Variants in PEAK1 observed in about 807,000 individuals in gnomAD.
The protein encoded by PEAK1 is pseudopodium enriched atypical kinase 1.
PEAK1 carries 54 observed loss-of-function variants against 124.7 expected under a neutral mutation model. The ratio of observed to expected loss-of-function variants is 0.43; its 90% CI spans 0.35 to 0.54. PEAK1 has a LOEUF of 0.54. PEAK1 is among the 20% of genes least tolerant of loss of function. PEAK1 has a pLI of 0.01. For missense variants in PEAK1, 2,046 were observed against 2,134.5 expected (o/e 0.96, Z 0.82); for synonymous variants, 719 against 760.0 (o/e 0.95, Z 0.89).
intron 1 of PEAK1, among the ~76,000 whole-genome samples, chr15:77,414,788 C>T (rs2072738392): frequency 1.3e-5 from 2 of 152,160 alleles, no homozygotes; most frequent in African/African-American, 2.4e-5. Context: ...GTATTATTTG[C>T]TCTTCATTTG....
chr15:77,234,185 T>G (rs2060019494), intron 6 of PEAK1, among the ~76,000 whole-genome samples: 2 of 152,240 alleles, frequency 1.3e-5, no homozygotes, highest in South Asian at 4.1e-4. Context: ...CATTTATTAC[T>G]GTAAACCTTA....
chr15:77,295,283 A>G lies in PEAK1; in HGVS notation c.-602-8779T>C, dbSNP rs1487474435. On this transcript the variant is annotated intron_variant, in intron 2 of 9. Transcript: ENST00000682557. ...GTAGGTCTTCATTTATAAGAGTGTT[A>G]TATTAAAATAAGCATGGTATATACA... is the stretch of plus-strand genomic sequence containing the variant. Among the ~76,000 whole-genome samples, 4 of 151,908 alleles carry G rather than the reference A, an allele frequency of 2.6e-5. No homozygotes were observed. In the East Asian group the frequency reaches 7.7e-4, roughly 29 times the overall value.
chr15:77,347,203 C>T lies in PEAK1; in HGVS notation c.-603+17960G>A. 3.1e-6 allele frequency: 3 copies of T among 979,408 alleles called. No individual in the cohort carries two copies. In the South Asian group the frequency reaches 1.4e-4, roughly 46 times the overall value. 60.7% of individuals were successfully genotyped at this position (979,408 alleles called of 1,614,324 possible). A position where few individuals can be genotyped will look rare whatever the true frequency, so the allele number is the denominator to read the frequency against. ...CGTTAACAACGGCAGAAGATAAGAT[C>T]TCTTCAAAGTGCCACGGCCATTTCA... is the stretch of plus-strand genomic sequence containing the variant. On this transcript the variant is annotated intron_variant, in intron 2 of 9. Transcript: ENST00000682557.
rs186142034 is a variant in PEAK1 at position 77,147,967 on chromosome 15, G to C, written c.3331+10536C>G. ...AAATGTTGTTAGTGAGACTGAGGAA[G>C]TGAATTTTTATTTTTATAAATTTAT... On this transcript the variant is annotated intron_variant, in intron 8 of 9. Coordinates refer to ENST00000682557, the MANE Select transcript of PEAK1 (RefSeq NM_001385026.1). Among the ~76,000 whole-genome samples, 39 of 152,300 alleles carry C rather than the reference G, an allele frequency of 2.6e-4. 1 individual carries two copies. The highest frequency in any genetic ancestry group is 9.1e-4 in the African/African-American group (38 of 41,560).
chr15:77,335,181 T>C (rs2066122459), intron 2 of PEAK1: 3 of 985,478 alleles, frequency 3.0e-6, no homozygotes, highest in Non-Finnish European at 3.6e-6. Context: ...TTAAGTTTAC[T>C]GTCCCTCCCA....
Position 77,180,091 on chromosome 15 carries a change from G to A in PEAK1, c.1836C>T (p.Asp612=), listed in dbSNP as rs1487409647. ...GMPPFPIIIH[D]EPTYARSSKN... ...TGGAACTCCGAGCATAAGTTGGCTC[G>A]TCATGAATGATAATTGGAAAAGGTG... The change falls in exon 7 of 10, where the codon GAC becomes GAT. Residue 612 remains aspartate (D), a synonymous_variant. Coordinates refer to ENST00000682557, the MANE Select transcript of PEAK1 (RefSeq NM_001385026.1). 5.0e-6 allele frequency: 8 copies of A among 1,614,112 alleles called. No homozygotes were observed. The highest frequency in any genetic ancestry group is 1.7e-5 in the Admixed American group (1 of 60,026).
At position 77,289,874 on chromosome 15, in the gene PEAK1, T is replaced by C. The variant is rs574629717; in HGVS notation, c.-602-3370A>G. Among the ~76,000 whole-genome samples, 22 of 152,146 alleles carry C rather than the reference T, an allele frequency of 1.4e-4. No homozygotes were observed. The South Asian group carries it at 3.3e-3, about 23-fold the overall frequency. The stretch of plus-strand genomic sequence containing the variant: ...CAAAACACCTAAGATAATACACTAG[T>C]CATAGTGCAGAAGAATAAATCTATG... On this transcript the variant is annotated intron_variant, in intron 2 of 9. Coordinates refer to ENST00000682557, the MANE Select transcript of PEAK1 (RefSeq NM_001385026.1).
intron 1 of PEAK1, among the ~76,000 whole-genome samples, chr15:77,390,671 G>T (rs1413686288): frequency 6.6e-6 from 1 of 152,214 alleles, no homozygotes; most frequent in Non-Finnish European, 1.5e-5. Flanking sequence ...TGCCAGGCAT[G>T]TTCTAAGCCC....
exon 7 of PEAK1, chr15:77,102,442 C>T (rs567157433): frequency 6.6e-6 from 1 of 152,172 alleles, no homozygotes; most frequent in Non-Finnish European, 1.5e-5. Flanking sequence ...CACCTTCCAC[C>T]GTCTCTTAGC....
At chr15:77,158,029 T>A (rs2055308096) in intron 8 of PEAK1, 1 of 155,600 alleles carries the variant, frequency 6.4e-6, no homozygotes, top group Non-Finnish European at 1.4e-5. Flanking sequence ...CAACACTAAA[T>A]GTTTGTGGTG....
chr15:77,323,388 T>C lies in PEAK1; in HGVS notation c.-602-36884A>G, dbSNP rs916369874. Among the ~76,000 whole-genome samples, 665 of 152,096 alleles carry C rather than the reference T, an allele frequency of 4.4e-3. 4 individuals carry two copies. Among genetic ancestry groups the C allele is most frequent in the African/African-American group, 0.014 (580 of 41,486 alleles). On this transcript the variant is annotated intron_variant, in intron 2 of 9. Transcript: ENST00000682557. ...TGATTGTATATCTAGAAAACCCCAT[T>C]GTCTCAGCCCAAAATCTCCTTAAGC...
At chr15:77,311,246 T>C (rs2064421728) in intron 2 of PEAK1, among the ~76,000 whole-genome samples, 1 of 152,188 alleles carries the variant, frequency 6.6e-6, no homozygotes, top group African/African-American at 2.4e-5. Flanking sequence ...GTACAGGAAT[T>C]CTTGACAGGG....
chr15:77,377,234 A>G (rs914821932), intron 1 of PEAK1, among the ~76,000 whole-genome samples: 2 of 152,146 alleles, frequency 1.3e-5, no homozygotes, highest in Non-Finnish European at 2.9e-5. Flanking sequence ...TGTTTTAAAA[A>G]TTAGCTGGGC....
chr15:77,326,720 TC>T (rs989880587), intron 2 of PEAK1, among the ~76,000 whole-genome samples: 1 of 152,146 alleles, frequency 6.6e-6, no homozygotes, highest in Non-Finnish European at 1.5e-5. Flanking sequence ...TGATTGTCTC[TC>T]ATTTTCCACC....
rs2065690016 is a variant in PEAK1 at position 77,328,176 on chromosome 15, T to C, written c.-603+36987A>G. Among the ~76,000 whole-genome samples the C allele has an allele frequency of 3.9e-5, 6 of 152,324 alleles. No homozygotes were observed. In the South Asian group the frequency reaches 1.2e-3, roughly 32 times the overall value. On this transcript the variant is annotated intron_variant, in intron 2 of 9. Coordinates refer to ENST00000682557, the MANE Select transcript of PEAK1 (RefSeq NM_001385026.1). ...AATATTTTTAAAAGCTTTCCTGATA[T>C]GATCCTCAATTTCCCCTTCAATAAA...
chr15:77,318,570 T>C (rs1194136365), intron 2 of PEAK1, among the ~76,000 whole-genome samples: 2 of 151,952 alleles, frequency 1.3e-5, no homozygotes, highest in African/African-American at 4.8e-5. Context: ...TCACTGGAGG[T>C]ATGTGAACAG....
In PEAK1 at chr15:77,181,120, T is replaced by C. The variant is rs1261849474; in HGVS notation, c.807A>G (p.Gln269=). The change falls in exon 7 of 10, where the codon CAA becomes CAG. Residue 269 remains glutamine, a synonymous_variant. Transcript: ENST00000682557. ...LLAMEIRMRG[Q]PRFANFRANT... ...TTGCTCTGAAGTTGGCAAAGCGAGG[T>C]TGCCCTCTCATGCGAATCTCCATGG... The C allele has an allele frequency of 1.2e-6, 2 of 1,614,140 alleles. No individual in the cohort carries two copies. The highest frequency in any genetic ancestry group is 1.7e-5 in the Admixed American group (1 of 60,016).
At chr15:77,145,266 T>A (rs1255691099) in intron 8 of PEAK1, among the ~76,000 whole-genome samples, 1 of 152,056 alleles carries the variant, frequency 6.6e-6, no homozygotes, top group Non-Finnish European at 1.5e-5. Flanking sequence ...CTGGGCAACA[T>A]GGTGAAACCC....
intron 1 of PEAK1, among the ~76,000 whole-genome samples, chr15:77,411,807 G>A (rs749458098): frequency 6.6e-6 from 1 of 151,846 alleles, no homozygotes; most frequent in South Asian, 2.1e-4. Flanking sequence ...GGTTGGGGGT[G>A]GGTCTCACTA....
Sources: gnomAD v4.1 joint callset for allele counts (sites outside exome capture counted in the v4.1 genomes callset) on GRCh38, gnomAD v4.1.1 for gene constraint, MANE v1.5 for transcripts, NCBI Gene and HGNC (gene_info 2026-07-23, HGNC 2026-07-21) for gene names.